The following ACER3 variants were observed in gnomAD, a reference collection of about 807,000 sequenced individuals.
ACER3 encodes alkCDase 3.
In ACER3, 16 loss-of-function variants were observed where a neutral mutation model predicts 48.9. That is an observed-to-expected ratio of 0.33 (90% CI 0.22 to 0.50). The LOEUF is 0.50. Ranked by LOEUF, ACER3 falls within the 20% of genes least tolerant of loss-of-function variation. ACER3 has a pLI of 0.98. For synonymous variants in ACER3, 109 were observed against 107.8 expected (o/e 1.01, Z -0.07); for missense variants, 227 against 326.0 (o/e 0.70, Z 2.34).
chr11:76,905,000 T>G (rs991171741), intron 1 of ACER3, among the ~76,000 whole-genome samples: 2 of 152,114 alleles, frequency 1.3e-5, no homozygotes, highest in African/African-American at 4.8e-5. Context: ...TGCAGGTACA[T>G]GCCACCATGC....
At chr11:76,953,119 G>C (rs2134999035) in intron 2 of ACER3, among the ~76,000 whole-genome samples, 1 of 152,300 alleles carries the variant, frequency 6.6e-6, no homozygotes, top group Middle Eastern at 3.4e-3. Context: ...TGAGATGAGA[G>C]ACCAAAGGCA....
At chr11:77,005,991 A>ATACATATATATATAT in intron 7 of ACER3, among the ~76,000 whole-genome samples, 2 of 100,874 alleles carry the variant, frequency 2.0e-5, no homozygotes, top group East Asian at 8.3e-4. Context: ...ATATATATAT[A>ATACATATATATATAT]TTTTTTTTTT....
intron 1 of ACER3, among the ~76,000 whole-genome samples, chr11:76,883,098 T>C (rs1945571525): frequency 6.6e-6 from 1 of 152,222 alleles, no homozygotes; most frequent in Admixed American, 6.5e-5. Context: ...GGCTAAAAGC[T>C]GTGAAAATGG....
At chr11:76,967,526 G>A (rs138506098) in intron 3 of ACER3, among the ~76,000 whole-genome samples, 4,238 of 152,236 alleles carry the variant, frequency 0.028, 86 homozygotes, top group South Asian at 0.063. Flanking sequence ...GATGAACATT[G>A]AGGCAAAAAT....
chr11:76,930,661 T>C (rs573379446), intron 2 of ACER3, among the ~76,000 whole-genome samples: 2 of 134,252 alleles, frequency 1.5e-5, no homozygotes, highest in Admixed American at 1.4e-4. Context: ...TCTGGTATGT[T>C]GTGTCTTTGT....
chr11:76,928,974 G>A (rs553330915), intron 2 of ACER3, among the ~76,000 whole-genome samples: 5 of 152,312 alleles, frequency 3.3e-5, no homozygotes, highest in South Asian at 4.1e-4. Context: ...GAACTTTAAA[G>A]TAGGTTTTTC....
chr11:77,015,284 TAAA>T, intron 8 of ACER3, 167 bp downstream of exon 8: 1 of 501,460 alleles, frequency 2.0e-6, no homozygotes. Context: ...AATACCTGTT[TAAA>T]TTACCTAAAA....
At chr11:76,963,127 C>T (rs10899334) in intron 3 of ACER3, among the ~76,000 whole-genome samples, 16,227 of 151,286 alleles carry the variant, frequency 0.11, 1,224 homozygotes, top group East Asian at 0.36. Flanking sequence ...GCCTTTTGCT[C>T]TTTGTATGAT....
chr11:76,889,766 C>G (rs1945760716), intron 1 of ACER3, among the ~76,000 whole-genome samples: 1 of 151,982 alleles, frequency 6.6e-6, no homozygotes, highest in African/African-American at 2.4e-5. Context: ...TTTGTTAATT[C>G]AGCCTTATTT....
chr11:77,012,379 C>G (rs1301991190), intron 7 of ACER3, among the ~76,000 whole-genome samples: 1 of 130,616 alleles, frequency 7.7e-6, no homozygotes, highest in African/African-American at 3.0e-5. Flanking sequence ...GATTGAGCCA[C>G]TGTACTCCAG....
chr11:76,921,923 G>A (rs552982533), intron 1 of ACER3, among the ~76,000 whole-genome samples: 1 of 152,170 alleles, frequency 6.6e-6, no homozygotes, highest in Non-Finnish European at 1.5e-5. Context: ...AGTATATTAT[G>A]CCTTTATATG....
At chr11:76,907,337 T>C (rs1013575983) in intron 1 of ACER3, among the ~76,000 whole-genome samples, 1 of 132,158 alleles carries the variant, frequency 7.6e-6, no homozygotes, top group African/African-American at 2.4e-5. Context: ...CACTAGACAC[T>C]ATTTCAAGCA....
intron 2 of ACER3, among the ~76,000 whole-genome samples, chr11:76,929,354 A>T (rs1399799609): frequency 6.6e-6 from 1 of 152,142 alleles, no homozygotes; most frequent in Non-Finnish European, 1.5e-5. Context: ...GCTTAAGGAG[A>T]TTTTGGGCTG....
Position 77,022,868 on chromosome 11 carries a change from C to CAA in ACER3, c.*2564_*2565dup, listed in dbSNP as rs10565723. ...ATGGTGGCAGAGCGAGACTCCGTCT[C>CAA]AAAAAAAAAAAAAAAAAAAAAAAAG... On this transcript the variant is annotated 3_prime_UTR_variant, in exon 11 of 11. Coordinates refer to ENST00000532485, the MANE Select transcript of ACER3 (RefSeq NM_018367.7). 217 of 281,324 alleles carry CAA rather than the reference C, an allele frequency of 7.7e-4. 2 individuals are homozygous for CAA. Among genetic ancestry groups the CAA allele is most frequent in the African/African-American group, 2.2e-3 (90 of 41,746 alleles). 17.4% of individuals were successfully genotyped at this position (281,324 alleles called of 1,614,324 possible).
intron 1 of ACER3, among the ~76,000 whole-genome samples, chr11:76,885,131 G>A (rs979182399): frequency 1.3e-5 from 2 of 152,090 alleles, no homozygotes; most frequent in South Asian, 2.1e-4. Context: ...ATTTATTATC[G>A]TTTTTTATTC....
intron 5 of ACER3, 59 bp from the exon 6 acceptor site, chr11:76,990,476 AGTCG>A (rs1948775961): frequency 8.9e-7 from 1 of 1,123,958 alleles, no homozygotes; most frequent in African/African-American, 1.5e-5. Context: ...GAGTAATTGG[AGTCG>A]GTTTTTCCCC....
intron 9 of ACER3, among the ~76,000 whole-genome samples, chr11:77,018,822 G>A (rs1379089029): frequency 6.6e-6 from 1 of 152,246 alleles, no homozygotes; most frequent in Non-Finnish European, 1.5e-5. Flanking sequence ...CAGAAGAAAA[G>A]TTTGAAGCTA....
intron 9 of ACER3, among the ~76,000 whole-genome samples, chr11:77,019,158 C>T (rs1949426337): frequency 6.6e-6 from 1 of 152,140 alleles, no homozygotes; most frequent in Admixed American, 6.5e-5. Flanking sequence ...TCCTATGGCC[C>T]TTAAGAATTA....
intron 1 of ACER3, among the ~76,000 whole-genome samples, chr11:76,915,839 A>G (rs1946513068): frequency 6.6e-6 from 1 of 152,146 alleles, no homozygotes; most frequent in South Asian, 2.1e-4. Context: ...ACCATTTGTA[A>G]AACCATCAGA....
Sources: allele counts gnomAD v4.1 joint callset (sites outside exome capture counted in the v4.1 genomes callset), GRCh38; gene constraint gnomAD v4.1.1; transcripts MANE v1.5; gene names NCBI Gene and HGNC (gene_info 2026-07-23, HGNC 2026-07-21).